TTN: variants seen among roughly 807,000 people sequenced by gnomAD.
TTN encodes connectin.
In TTN, 1,525 loss-of-function variants were observed where a neutral mutation model predicts 3,223.0. The ratio of observed to expected loss-of-function variants is 0.47; its 90% CI spans 0.45 to 0.49. TTN has a LOEUF of 0.49. Among genes scored for constraint, TTN ranks in the 20% least tolerant of loss-of-function variants. TTN has a pLI of 0.00. For synonymous variants in TTN, 14,094 were observed against 15,161.0 expected, an observed-to-expected ratio of 0.93 and a Z score of 5.17; for missense variants, 40,786 against 43,424.0, an observed-to-expected ratio of 0.94 and a Z score of 5.40.
At chr2:178,528,502 A>C (rs771311872) in intron 360 of TTN, 26 bp downstream of exon 360, 1 of 1,593,318 alleles carries the variant, frequency 6.3e-7, no homozygotes, top group South Asian at 1.1e-5. Flanking sequence ...GTTTTTCTTC[A>C]ATAATATATT....
chr2:178,576,153 G>A lies in TTN; in HGVS notation c.69979C>T (p.Pro23327Ser). 2 of 1,613,260 alleles carry A rather than the reference G, an allele frequency of 1.2e-6. No homozygotes were observed. The highest frequency in any genetic ancestry group is 2.7e-5 in the African/African-American group (2 of 75,000). Residue 23327 changes from proline (P) to serine (S), a missense_variant, in exon 326 of 363, where the codon CCA becomes TCA. Physicochemically the swap from Pro to Ser is moderately conservative, Grantham distance 74 (BLOSUM62 -1). Coordinates refer to ENST00000589042, the MANE Select transcript of TTN (RefSeq NM_001267550.2). This position sits in a 1 kb window ranked among gnomAD's most constrained non-coding sequence, Gnocchi z 4.3. Reference sequence around the variant, plus strand: ...ATTTCAACATCTGGAATCACCGCTGGCTCCCCAACACCTGCATCGTTGATG... The same window carrying A: ...ATTTCAACATCTGGAATCACCGCTGACTCCCCAACACCTGCATCGTTGATG... Reference protein sequence around the residue: ...SAINDAGVGEPAVIPDVEIVE... With the variant: ...SAINDAGVGESAVIPDVEIVE...
rs886039175 is a variant in TTN at position 178,533,730 on chromosome 2, A to G, written c.102885T>C (p.Gly34295=). 2.5e-6 allele frequency: 4 copies of G among 1,613,674 alleles called. 1 individual carries two copies. The Middle Eastern group carries it at 6.6e-4, about 266-fold the overall frequency. Residue 34295 remains glycine, a synonymous_variant, in exon 358 of 363, where the codon GGT becomes GGC. Transcript: ENST00000589042. ...CATTGTCACCTGGTTTGATTTTCTG[A>G]CCTGATTTATACCATGTTACATGAG... The part of the protein sequence containing the change: ...PEPHVTWYKS[G]QKIKPGDNDK...
In TTN at chr2:178,535,270, G is replaced by C. The variant is rs771566432; in HGVS notation, c.101345C>G (p.Thr33782Ser). 6.2e-7 allele frequency: 1 copy of C among 1,613,844 alleles called. No homozygotes were observed. Among genetic ancestry groups the C allele is most frequent in the East Asian group, 2.2e-5 (1 of 44,870 alleles). The change falls in exon 358 of 363, where the codon ACC becomes AGC. Residue 33782 changes from threonine to serine, a missense_variant. Transcript: ENST00000589042. ...KPSEPSEPTI[T>S]KEDKTRAMNY... is the part of the protein sequence containing the mutation. ...CATAGCTCTGGTCTTATCTTCTTTG[G>C]TTATGGTTGGTTCTGAAGGCTCTGA...
chr2:178,532,642 A>C lies in TTN; in HGVS notation c.103973T>G (p.Ile34658Ser). Residue 34658 changes from isoleucine (I) to serine (S), a missense_variant, in exon 358 of 363, where the codon ATC becomes AGC. Coordinates refer to ENST00000589042, the MANE Select transcript of TTN (RefSeq NM_001267550.2). ...YRPRRRSLGD[I>S]SDEELLLPID... ...GGGGAGGAGTAATTCTTCATCAGAG[A>C]TGTCCCCAAGAGAACGTCTTCTAGG... 3 of 1,613,938 alleles carry C rather than the reference A, an allele frequency of 1.9e-6. No individual in the cohort carries two copies. Among genetic ancestry groups the C allele is most frequent in the Non-Finnish European group, 2.5e-6 (3 of 1,179,860 alleles).
At chr2:178,758,048 T>C in intron 44 of TTN, 132 bp from the exon 45 acceptor site, 1 of 966,252 alleles carries the variant, frequency 1.0e-6, no homozygotes, top group Non-Finnish European at 1.5e-6. Context: ...GCCTTGTCCT[T>C]GTATGTCACT....
intron 98 of TTN, among the ~76,000 whole-genome samples, chr2:178,710,422 G>A (rs2076485316): frequency 6.6e-6 from 1 of 152,196 alleles, no homozygotes; most frequent in South Asian, 2.1e-4. Flanking sequence ...ACTCCAGCCT[G>A]TGCGACAGAA....
chr2:178,764,211 C>G lies in TTN; in HGVS notation c.10080G>C (p.Gln3360His). The G allele has an allele frequency of 6.2e-7, 1 of 1,614,090 alleles. No homozygotes were observed. The highest frequency in any genetic ancestry group is 8.5e-7 in the Non-Finnish European group (1 of 1,179,956). ...AAACCCGGCATTGAAAACGGGCTGG[C>G]TGCCCTTCAGAAGTGACAGTGTCCT... is the stretch of plus-strand genomic sequence containing the variant. The part of the protein sequence containing the change: ...PLQDTVTSEG[Q>H]PARFQCRVSG... Residue 3360 changes from glutamine (Q) to histidine (H), a missense_variant, in exon 43 of 363, where the codon CAG (glutamine) becomes CAC (histidine). Transcript: ENST00000589042.
rs2154161754 is a variant in TTN at position 178,563,917 on chromosome 2, G to A, written c.82215C>T (p.Tyr27405=). The change falls in exon 326 of 363, where the codon TAC becomes TAT. Residue 27405 remains tyrosine, a synonymous_variant. Coordinates refer to ENST00000589042, the MANE Select transcript of TTN (RefSeq NM_001267550.2). The surrounding 1 kb of genome is among the most constrained non-coding windows in gnomAD (Gnocchi z 4.5). ...LQDGGANISH[Y]IIEKRETSRL... ...GGCTTGTCTCCCTCTTTTCAATGAT[G>A]TAATGTGAAATATTAGCACCACCAT... The A allele has an allele frequency of 6.2e-7, 1 of 1,613,664 alleles. No individual in the cohort carries two copies. The highest frequency in any genetic ancestry group is 8.5e-7 in the Non-Finnish European group (1 of 1,179,722).
intron 311 of TTN, 144 bp downstream of exon 311, chr2:178,584,132 T>C: frequency 3.7e-6 from 4 of 1,090,566 alleles, no homozygotes; most frequent in South Asian, 1.8e-5. Flanking sequence ...TTGTAAGAGA[T>C]AGAACATATT....
chr2:178,587,913 G>C lies in TTN; in HGVS notation c.63494C>G (p.Pro21165Arg). The C allele has an allele frequency of 6.3e-7, 1 of 1,595,184 alleles. No individual in the cohort carries two copies. The highest frequency in any genetic ancestry group is 8.6e-7 in the Non-Finnish European group (1 of 1,168,358). ...GAAGGACTTACCTAGTATTTCTTTA[G>C]GTTTGATAGCTTCCTTTAGCTCTGC... ...RPAELKEAIK[P>R]KEILEPPEID... Residue 21165 changes from proline (P) to arginine (R), a missense_variant, in exon 305 of 363, where the codon CCT becomes CGT. Transcript: ENST00000589042.
rs1276295137 is a variant in TTN at position 178,734,617 on chromosome 2, A to G, written c.15218-11T>C. The G allele has an allele frequency of 1.3e-6, 2 of 1,560,698 alleles. No homozygotes were observed. Among genetic ancestry groups the G allele is most frequent in the Admixed American group, 1.9e-5 (1 of 53,100 alleles). On this transcript the variant is annotated splice_polypyrimidine_tract_variant and intron_variant, in intron 51 of 362. Coordinates refer to ENST00000589042, the MANE Select transcript of TTN (RefSeq NM_001267550.2). ...TGAAAGAAGGAGGTTCTACAAAAGC[A>G]TGAAAGCATTGTGTAAGTAATGGGT...
chr2:178,683,297 A>G lies in TTN; in HGVS notation c.32807-6T>C. 1 of 1,487,892 alleles carries G rather than the reference A, an allele frequency of 6.7e-7. No homozygotes were observed. The highest frequency in any genetic ancestry group is 9.1e-7 in the Non-Finnish European group (1 of 1,100,184). 92.2% of individuals were successfully genotyped at this position (1,487,892 alleles called of 1,614,324 possible). Reference sequence around the variant, plus strand: ...TCTTTTTCTGAATTCAGTCACTTTAAAGGAGTAATTATTAAAAGTGAATTG... The same window carrying G: ...TCTTTTTCTGAATTCAGTCACTTTAGAGGAGTAATTATTAAAAGTGAATTG... On this transcript the variant is annotated splice_polypyrimidine_tract_variant and splice_region_variant and intron_variant, in intron 133 of 362. Transcript: ENST00000589042.
At chr2:178,724,921 C>G (rs576053550) in intron 71 of TTN, 43 of 191,774 alleles carry the variant, frequency 2.2e-4, no homozygotes, top group African/African-American at 8.3e-4. Context: ...TTGTGAATTA[C>G]TTGGTATTTT....
Position 178,559,476 on chromosome 2 carries a change from C to G in TTN, c.86656G>C (p.Glu28886Gln). ...GAGACCCATGCTTTCTTGCTGGCCT[C>G]ACGTTTTTCTATGTGGTAATTCTTC... ...PVKNYHIEKR[E>Q]ASKKAWVSVT... is the part of the protein sequence containing the mutation. Residue 28886 changes from glutamate (E) to glutamine (Q), a missense_variant, in exon 326 of 363, where the codon GAG becomes CAG. Transcript: ENST00000589042. 1 of 1,613,718 alleles carries G rather than the reference C, an allele frequency of 6.2e-7. No homozygotes were observed. The highest frequency in any genetic ancestry group is 8.5e-7 in the Non-Finnish European group (1 of 1,179,724).
rs1364779690 is a variant in TTN at position 178,535,851 on chromosome 2, T to A, written c.100766-2A>T. On this transcript the variant is annotated splice_acceptor_variant, in intron 357 of 362. Transcript: ENST00000589042. LOFTEE classifies it high-confidence loss of function. ...TAGGTAAGTGTATCTTAGCTGGAAC[T>A]GTATCAGAAAAAAAAAAAAAAAGAA... is the stretch of plus-strand genomic sequence containing the variant. The A allele has an allele frequency of 1.3e-6, 2 of 1,526,546 alleles. No homozygotes were observed. Among genetic ancestry groups the A allele is most frequent in the Non-Finnish European group, 1.7e-6 (2 of 1,143,946 alleles). The allele number at this position is 1,526,546 out of a possible 1,614,324, so 94.6% of individuals were successfully genotyped here.
intron 339 of TTN, 51 bp from the exon 340 acceptor site, chr2:178,547,356 G>T (rs1161078842): frequency 6.4e-7 from 1 of 1,572,596 alleles, no homozygotes; most frequent in Non-Finnish European, 8.6e-7. Flanking sequence ...TAAAATTCAG[G>T]GGAAACATTT....
intron 240 of TTN, among the ~76,000 whole-genome samples, chr2:178,626,242 A>T (rs896747282): frequency 6.6e-6 from 1 of 152,018 alleles, no homozygotes; most frequent in Non-Finnish European, 1.5e-5. Context: ...TAAACCTGTG[A>T]TTAAATAATT....
rs373610666 is a variant in TTN at position 178,530,597 on chromosome 2, C to T, written c.106018G>A (p.Gly35340Ser). Residue 35340 changes from glycine (G) to serine (S), a missense_variant, in exon 358 of 363, where the codon GGT (glycine) becomes AGT (serine). Transcript: ENST00000589042. ...GHFQFHYSAD[G>S]TYELKINNLT... ...TTATTGATTTTGAGCTCATAGGTAC[C>T]ATCTGCTGAATAATGAAACTGGAAA... The T allele has an allele frequency of 1.9e-6, 3 of 1,613,996 alleles. No homozygotes were observed. Among genetic ancestry groups the T allele is most frequent in the Middle Eastern group, 3.3e-4 (2 of 6,062 alleles).
rs763331392 is a variant in TTN at position 178,592,218 on chromosome 2, G to A, written c.59686C>T (p.Leu19896Phe). ...TCATCCAGTGGTTCTTTCCAAGTAA[G>A]GTAACATGAATCTTTCCTAATTTCA... ...VSEIRKDSCY[L>F]TWKEPLDDGG... is the part of the protein sequence containing the mutation. Residue 19896 changes from leucine to phenylalanine, a missense_variant, in exon 302 of 363, where the codon CTT becomes TTT. Transcript: ENST00000589042. 1.9e-6 allele frequency: 3 copies of A among 1,611,598 alleles called. No homozygotes were observed. The African/African-American group carries it at 4.0e-5, about 22-fold the overall frequency.
Sources: allele counts gnomAD v4.1 joint callset (sites outside exome capture counted in the v4.1 genomes callset), GRCh38; gene constraint gnomAD v4.1.1; non-coding constraint Gnocchi (gnomAD v3.1); transcripts MANE v1.5; gene names NCBI Gene and HGNC (gene_info 2026-07-23, HGNC 2026-07-21).